The following LVRN variants were observed in gnomAD, a reference collection of about 807,000 sequenced individuals.
The protein encoded by LVRN is laeverin.
A neutral mutation model predicts 111.4 loss-of-function variants in LVRN; 99 were observed. The observed-to-expected ratio is 0.89, with a 90% CI of 0.76 to 1.05. The LOEUF is 1.05. Ranked by LOEUF, LVRN falls within the 50% of genes least tolerant of loss-of-function variation. The probability of loss-of-function intolerance (pLI) is 0.00; values close to 1 mark genes in which losing one functional copy is unlikely to be tolerated. For synonymous variants in LVRN, 488 were observed against 449.5 expected, an observed-to-expected ratio of 1.09 and a Z score of -1.08; for missense variants, 1,414 against 1,206.8, an observed-to-expected ratio of 1.17 and a Z score of -2.54.
At chr5:116,018,697 T>C (rs1379770593) in intron 18 of LVRN, among the ~76,000 whole-genome samples, 1 of 152,110 alleles carries the variant, frequency 6.6e-6, no homozygotes, top group African/African-American at 2.4e-5. Context: ...AGATATGCTA[T>C]ATCTTTTAAA....
Position 115,983,400 on chromosome 5 carries a change from A to T in LVRN, c.809A>T (p.Tyr270Phe). The T allele has an allele frequency of 6.2e-7, 1 of 1,608,550 alleles. No individual in the cohort carries two copies. The highest frequency in any genetic ancestry group is 8.5e-7 in the Non-Finnish European group (1 of 1,178,404). Residue 270 changes from tyrosine (Y) to phenylalanine (F), a missense_variant, in exon 2 of 20, where the codon TAT (tyrosine) becomes TTT (phenylalanine). Transcript: ENST00000357872. ...ATTACAATGATTCATCATCCAAGTT[A>T]TGTGGCCCTTTCCAACATGCCAAAG... ...FNITMIHHPS[Y>F]VALSNMPKLG...
Position 115,999,883 on chromosome 5 carries a change from A to T in LVRN, c.1496A>T (p.Asp499Val). The T allele has an allele frequency of 6.2e-7, 1 of 1,611,348 alleles. No individual in the cohort carries two copies. Among genetic ancestry groups the T allele is most frequent in the Non-Finnish European group, 8.5e-7 (1 of 1,179,380 alleles). Residue 499 changes from aspartate (D) to valine (V), a missense_variant, in exon 7 of 20, where the codon GAC becomes GTC. Coordinates refer to ENST00000357872, the MANE Select transcript of LVRN (RefSeq NM_173800.5). ...ACAAGTGAAATACAGGAACTCTTTG[A>T]CATATTTACTTACAGCAAGGTAAAA... ...FKTSEIQELF[D>V]IFTYSKGASM...
At chr5:115,998,684 C>T (rs1748171285) in intron 6 of LVRN, among the ~76,000 whole-genome samples, 1 of 152,164 alleles carries the variant, frequency 6.6e-6, no homozygotes. Context: ...CTTAAACTAG[C>T]AGCATCAGCA....
chr5:115,994,918 C>A (rs902553772), intron 6 of LVRN, among the ~76,000 whole-genome samples: 2 of 152,112 alleles, frequency 1.3e-5, no homozygotes, highest in South Asian at 4.1e-4. Flanking sequence ...GCATCTTCTT[C>A]CCCTCCTCTC....
chr5:115,983,675 A>G (rs1747773790), intron 2 of LVRN, among the ~76,000 whole-genome samples: 1 of 152,168 alleles, frequency 6.6e-6, no homozygotes, highest in Non-Finnish European at 1.5e-5. Context: ...TCTGCCTGCC[A>G]CTTAGTTTGG....
chr5:115,979,074 C>T (rs1484922233), intron 1 of LVRN, among the ~76,000 whole-genome samples: 2 of 152,098 alleles, frequency 1.3e-5, no homozygotes, highest in East Asian at 3.9e-4. Context: ...CAGCCTCCTC[C>T]AGGTGGCTCT....
intron 1 of LVRN, among the ~76,000 whole-genome samples, chr5:115,982,006 A>G (rs1354223558): frequency 6.6e-6 from 1 of 152,174 alleles, no homozygotes; most frequent in Admixed American, 6.5e-5. Context: ...TGCGTTGCTC[A>G]GTTGGTAGTA....
At chr5:115,988,332 G>GTT (rs36043607) in intron 4 of LVRN, among the ~76,000 whole-genome samples, 1 of 148,062 alleles carries the variant, frequency 6.8e-6, no homozygotes. Context: ...CCTTTAGTAA[G>GTT]TTTTTTTTTT....
rs1748042361 is a variant in LVRN, at chr5:115,993,587, CT to C, written c.1261-148del. ...CTATTTATGTGAAAACAACAACTTG[CT>C]TTTTTGGTGTCCTGTCTTCAAGTTT... On this transcript the variant is annotated intron_variant, in intron 5 of 19. Transcript: ENST00000357872. Among the ~76,000 whole-genome samples, 3 of 152,128 alleles carry C rather than the reference CT, an allele frequency of 2.0e-5. No individual in the cohort carries two copies. In the South Asian group the frequency reaches 6.2e-4, roughly 32 times the overall value.
intron 14 of LVRN, among the ~76,000 whole-genome samples, chr5:116,011,391 A>T (rs1435645168): frequency 2.0e-5 from 3 of 152,152 alleles, no homozygotes; most frequent in Non-Finnish European, 4.4e-5. Flanking sequence ...GAAAAGAAAG[A>T]GAGAAATTAG....
chr5:116,000,404 C>T, intron 7 of LVRN, 29 bp from the exon 8 acceptor site: 1 of 1,610,812 alleles, frequency 6.2e-7, no homozygotes, highest in South Asian at 1.1e-5. Context: ...GAATTTTGTT[C>T]AAATAATGGA....
intron 19 of LVRN, among the ~76,000 whole-genome samples, chr5:116,024,729 A>C (rs1202318124): frequency 6.6e-6 from 1 of 152,218 alleles, no homozygotes. Context: ...TCAAAACTCT[A>C]GTCACTCACA....
Position 115,993,775 on chromosome 5 carries a change from AC to A in LVRN, c.1296del (p.Asn432LysfsTer17). 1 of 1,610,282 alleles carries A rather than the reference AC, an allele frequency of 6.2e-7. No individual in the cohort carries two copies. The highest frequency in any genetic ancestry group is 8.5e-7 in the Non-Finnish European group (1 of 1,179,002). ...AACTTGGTTACCATGAATTGGTGGA[AC>A]AATATCTGGCTCAACGAGGGTTTTG... ...FGNLVTMNWWNNIWLNEGFAS... is the reference protein window; with the variant it reads ...FGNLVTMNWWXNIWLNEGFAS... On this transcript the variant is annotated frameshift_variant, in exon 6 of 20. Coordinates refer to ENST00000357872, the MANE Select transcript of LVRN (RefSeq NM_173800.5). LOFTEE classifies it high-confidence loss of function.
At chr5:116,016,268 T>A (rs1042612463) in intron 18 of LVRN, among the ~76,000 whole-genome samples, 1 of 152,222 alleles carries the variant, frequency 6.6e-6, no homozygotes, top group African/African-American at 2.4e-5. Context: ...TTATTTATAG[T>A]CAAAATGACA....
chr5:115,990,714 G>T (rs1024103459), intron 4 of LVRN, among the ~76,000 whole-genome samples: 8 of 152,012 alleles, frequency 5.3e-5, no homozygotes, highest in African/African-American at 1.7e-4. Context: ...TGGGATTACA[G>T]GTGCGCACCA....
intron 15 of LVRN, 38 bp downstream of exon 15, chr5:116,012,506 C>A: frequency 1.6e-6 from 2 of 1,241,430 alleles, no homozygotes; most frequent in South Asian, 1.4e-5. Context: ...GAATAAAATG[C>A]ATTCATATTA....
At chr5:115,972,816 G>C (rs1326606283) in intron 1 of LVRN, among the ~76,000 whole-genome samples, 1 of 152,028 alleles carries the variant, frequency 6.6e-6, no homozygotes, top group African/African-American at 2.4e-5. Context: ...AGGAATGGAT[G>C]TCATATTTTA....
Position 116,011,991 on chromosome 5 carries a change from G to T in LVRN, c.2248-383G>T, listed in dbSNP as rs895858810. On this transcript the variant is annotated intron_variant, in intron 14 of 19. Coordinates refer to ENST00000357872, the MANE Select transcript of LVRN (RefSeq NM_173800.5). ...AGCATGGATGTTTTATGGTAGAAAG[G>T]CTATTTTATATTTTTACATTTCTTC... Among the ~76,000 whole-genome samples the T allele has an allele frequency of 2.6e-5, 4 of 152,004 alleles. No individual in the cohort carries two copies. The South Asian group carries it at 8.3e-4, about 32-fold the overall frequency.
intron 14 of LVRN, 79 bp from the exon 15 acceptor site, chr5:116,012,295 A>T: frequency 1.3e-6 from 1 of 775,082 alleles, no homozygotes; most frequent in East Asian, 2.9e-5. Context: ...ATGTCTTTTC[A>T]GATAAATAAA....
Sources: allele counts gnomAD v4.1 joint callset (sites outside exome capture counted in the v4.1 genomes callset), GRCh38; gene constraint gnomAD v4.1.1; transcripts MANE v1.5; gene names NCBI Gene and HGNC (gene_info 2026-07-23, HGNC 2026-07-21).